Variants in NRG3 observed in about 807,000 individuals in gnomAD.
NRG3 encodes pro-neuregulin-3, membrane-bound isoform.
In NRG3, 31 loss-of-function variants were observed where a neutral mutation model predicts 66.9. That is an observed-to-expected ratio of 0.46 (90% CI 0.35 to 0.63). The LOEUF (loss-of-function observed/expected upper bound fraction) is 0.63, where lower values mean the gene tolerates loss of function less well. Among genes scored for constraint, NRG3 ranks in the 20% least tolerant of loss-of-function variants. The pLI is 0.00. For missense variants in NRG3, 910 were observed against 878.9 expected (o/e 1.04, Z -0.45); for synonymous variants, 393 against 359.4 (o/e 1.09, Z -1.06).
chr10:81,947,978 G>A (rs1849000237), intron 1 of NRG3, among the ~76,000 whole-genome samples: 1 of 152,098 alleles, frequency 6.6e-6, no homozygotes. Flanking sequence ...GAGTGTTAAT[G>A]CCTCCTTTGC....
chr10:82,821,359 A>G (rs955084897), intron 3 of NRG3, among the ~76,000 whole-genome samples: 1 of 152,128 alleles, frequency 6.6e-6, no homozygotes, highest in Admixed American at 6.6e-5. Flanking sequence ...TCTGTCTCCA[A>G]TTCATCGTCC....
intron 1 of NRG3, among the ~76,000 whole-genome samples, chr10:81,893,678 C>A (rs1242875476): frequency 2.0e-5 from 3 of 152,106 alleles, no homozygotes; most frequent in African/African-American, 2.4e-5. Flanking sequence ...TGGTTTTTAT[C>A]TTGCATTTCT....
chr10:82,751,012 A>C (rs2058840423), intron 3 of NRG3, among the ~76,000 whole-genome samples: 1 of 152,112 alleles, frequency 6.6e-6, no homozygotes, highest in Non-Finnish European at 1.5e-5. Context: ...TATATAACCT[A>C]ATTCTTGTAC....
At chr10:82,114,117 G>A (rs917874473) in intron 1 of NRG3, among the ~76,000 whole-genome samples, 4 of 152,160 alleles carry the variant, frequency 2.6e-5, no homozygotes, top group Middle Eastern at 3.4e-3. Flanking sequence ...TTGATTTAGC[G>A]TAATGTTTTC....
At chr10:81,956,979 C>G (rs1332280793) in intron 1 of NRG3, among the ~76,000 whole-genome samples, 1 of 152,190 alleles carries the variant, frequency 6.6e-6, no homozygotes, top group African/African-American at 2.4e-5. Context: ...GAATACATGC[C>G]TGTCTTCCAT....
At position 82,772,771 on chromosome 10, in the gene NRG3, T is replaced by A. The variant is rs371980776; in HGVS notation, c.1027+34121T>A. Among the ~76,000 whole-genome samples the A allele has an allele frequency of 1.7e-4, 25 of 149,494 alleles. No homozygotes were observed. The East Asian group carries it at 3.4e-3, about 20-fold the overall frequency. ...CCCAGGCTGGAATATACTGATGTGATCATAGTTCATTGCAGCCTCGACCTC... is the reference window on the plus strand; with the variant it reads ...CCCAGGCTGGAATATACTGATGTGAACATAGTTCATTGCAGCCTCGACCTC... On this transcript the variant is annotated intron_variant, in intron 3 of 8. Transcript: ENST00000372141.
intron 1 of NRG3, among the ~76,000 whole-genome samples, chr10:82,356,360 A>G (rs1202657027): frequency 1.3e-5 from 2 of 152,236 alleles, no homozygotes; most frequent in Non-Finnish European, 2.9e-5. Flanking sequence ...GATAATAAGA[A>G]ATTAAAGGAA....
chr10:82,459,162 C>G (rs1205178356), intron 2 of NRG3, among the ~76,000 whole-genome samples: 2 of 152,194 alleles, frequency 1.3e-5, no homozygotes, highest in African/African-American at 4.8e-5. Context: ...TTGGCATGCT[C>G]TATTACCTGC....
intron 1 of NRG3, among the ~76,000 whole-genome samples, chr10:82,282,006 T>C (rs989487403): frequency 2.0e-5 from 3 of 152,130 alleles, no homozygotes; most frequent in African/African-American, 7.2e-5. Context: ...CTAATCCTAA[T>C]ACTATGTATT....
chr10:82,030,859 C>T (rs1255698990), intron 1 of NRG3, among the ~76,000 whole-genome samples: 1 of 151,994 alleles, frequency 6.6e-6, no homozygotes, highest in Non-Finnish European at 1.5e-5. Context: ...GCTCAATTCA[C>T]TAGGAATGGG....
chr10:82,558,213 T>A (rs2044776270), intron 2 of NRG3, among the ~76,000 whole-genome samples: 2 of 152,182 alleles, frequency 1.3e-5, no homozygotes, highest in Non-Finnish European at 2.9e-5. Flanking sequence ...TTGCTTTTGC[T>A]GTGAGGAAGG....
intron 2 of NRG3, among the ~76,000 whole-genome samples, chr10:82,428,133 T>C (rs765663212): frequency 2.4e-4 from 37 of 151,934 alleles, no homozygotes; most frequent in Admixed American, 1.2e-3. Flanking sequence ...TGGTCGATCT[T>C]TTTAATGAGC....
intron 2 of NRG3, among the ~76,000 whole-genome samples, chr10:82,486,954 T>A (rs1037356485): frequency 1.4e-4 from 21 of 151,982 alleles, no homozygotes; most frequent in African/African-American, 4.6e-4. Flanking sequence ...TTCAGTCATG[T>A]AAGTTGTAAA....
chr10:82,346,602 C>T (rs953818424), intron 1 of NRG3, among the ~76,000 whole-genome samples: 12 of 152,024 alleles, frequency 7.9e-5, no homozygotes, highest in African/African-American at 2.9e-4. Context: ...GGAGGATTCC[C>T]TCTTTTTCTA....
In NRG3 at chr10:82,985,264, G is replaced by A. The variant is rs1343504425; in HGVS notation, c.1750G>A (p.Glu584Lys). Residue 584 changes from glutamate to lysine, a missense_variant, in exon 9 of 9, where the codon GAA becomes AAA. Transcript: ENST00000372141. Reference protein sequence around the residue: ...VPIIPSVGLEETCLQMPGISE... With the variant: ...VPIIPSVGLEKTCLQMPGISE... ...CATCATCCCTTCAGTGGGTTTAGAG[G>A]AAACCTGCCTGCAAATGCCAGGGAT... The A allele has an allele frequency of 3.1e-6, 5 of 1,614,136 alleles. No individual in the cohort carries two copies. The highest frequency in any genetic ancestry group is 3.4e-6 in the Non-Finnish European group (4 of 1,180,012).
At chr10:82,756,192 G>T (rs2059071107) in intron 3 of NRG3, among the ~76,000 whole-genome samples, 2 of 152,042 alleles carry the variant, frequency 1.3e-5, no homozygotes, top group Non-Finnish European at 2.9e-5. Flanking sequence ...TTTTACTCCT[G>T]TGAGCTCTTA....
At chr10:81,958,927 C>T (rs1404281403) in intron 1 of NRG3, among the ~76,000 whole-genome samples, 1 of 151,954 alleles carries the variant, frequency 6.6e-6, no homozygotes, top group East Asian at 1.9e-4. Flanking sequence ...ACCAGATATA[C>T]AGTCTATGTG....
chr10:82,234,834 T>C (rs540948203), intron 1 of NRG3, among the ~76,000 whole-genome samples: 8 of 152,318 alleles, frequency 5.3e-5, no homozygotes, highest in Admixed American at 5.2e-4. Flanking sequence ...CACTCCACCT[T>C]ACCTGCCATG....
rs561407632 is a variant in NRG3 at position 82,139,118 on chromosome 10, G to A, written c.824-219621G>A. 5.9e-5 allele frequency among the ~76,000 whole-genome samples: 9 copies of A among 152,158 alleles called. No individual in the cohort carries two copies. The South Asian group carries it at 1.0e-3, about 18-fold the overall frequency. ...TATCATGATAATCCAAGGTGAAATG[G>A]ACATTTACTTTTCTGGCAAGTCTGG... On this transcript the variant is annotated intron_variant, in intron 1 of 8. Coordinates refer to ENST00000372141, the MANE Select transcript of NRG3 (RefSeq NM_001010848.4).
Sources: allele counts gnomAD v4.1 joint callset (sites outside exome capture counted in the v4.1 genomes callset), GRCh38; gene constraint gnomAD v4.1.1; transcripts MANE v1.5; gene names NCBI Gene and HGNC (gene_info 2026-07-23, HGNC 2026-07-21).